OTUD7B: variants seen among roughly 807,000 people sequenced by gnomAD.
OTUD7B encodes OTU deubiquitinase 7B.
A neutral mutation model predicts 82.2 loss-of-function variants in OTUD7B; 34 were observed. That is an observed-to-expected ratio of 0.41 (90% CI 0.31 to 0.55). The LOEUF is 0.55. Among genes scored for constraint, OTUD7B ranks in the 20% least tolerant of loss-of-function variants. The pLI is 0.20. For synonymous variants in OTUD7B, 398 were observed against 402.7 expected (o/e 0.99, Z 0.14); for missense variants, 944 against 1,062.1 (o/e 0.89, Z 1.55).
the OTUD7B span, among the ~76,000 whole-genome samples, chr1:150,053,627 C>G: frequency 6.6e-6 from 1 of 152,010 alleles, no homozygotes; most frequent in Non-Finnish European, 1.5e-5. Flanking sequence ...AACTCCCGAC[C>G]TCAAGTGATT....
chr1:150,010,853 C>T (rs1402242050), upstream of OTUD7B, among the ~76,000 whole-genome samples: 2 of 152,168 alleles, frequency 1.3e-5, no homozygotes, highest in African/African-American at 4.8e-5. Context: ...AGCGCCGCTC[C>T]CCAGGCTGCG....
chr1:149,973,953 G>A (rs1553778100), intron 2 of OTUD7B, among the ~76,000 whole-genome samples: 1 of 151,534 alleles, frequency 6.6e-6, no homozygotes. Context: ...CACCTCCTGG[G>A]TTCAAGCAAT....
At chr1:150,056,598 T>A in the OTUD7B span, among the ~76,000 whole-genome samples, 2 of 152,200 alleles carry the variant, frequency 1.3e-5, no homozygotes, top group African/African-American at 4.8e-5. Flanking sequence ...AGAAGTTACA[T>A]AACTTGCCAA....
intron 7 of OTUD7B, among the ~76,000 whole-genome samples, chr1:149,959,354 C>T (rs1648968356): frequency 6.6e-6 from 1 of 152,106 alleles, no homozygotes; most frequent in Non-Finnish European, 1.5e-5. Context: ...GTGTGAGACA[C>T]CACACCCGGC....
intron 4 of OTUD7B, 76 bp from the exon 5 acceptor site, chr1:149,965,954 C>T: frequency 8.4e-7 from 1 of 1,191,856 alleles, no homozygotes; most frequent in Non-Finnish European, 1.2e-6. Flanking sequence ...GAAACAGACT[C>T]CAAAGCAGCC....
the OTUD7B span, among the ~76,000 whole-genome samples, chr1:150,056,548 G>T: frequency 6.6e-6 from 1 of 152,038 alleles, no homozygotes; most frequent in South Asian, 2.1e-4. Context: ...TGAGGTAGGC[G>T]TTATTTTCTC....
chr1:150,059,438 C>T, the OTUD7B span, among the ~76,000 whole-genome samples: 1 of 150,458 alleles, frequency 6.6e-6, no homozygotes, highest in Admixed American at 6.7e-5. Flanking sequence ...GGCGCAATCT[C>T]GGCTCACCGC....
chr1:149,954,442 G>A (rs370109038), intron 7 of OTUD7B, among the ~76,000 whole-genome samples: 5 of 152,076 alleles, frequency 3.3e-5, no homozygotes, highest in South Asian at 2.1e-4. Context: ...TGCTGGATTC[G>A]GTTTGCCAGT....
intron 2 of OTUD7B, among the ~76,000 whole-genome samples, chr1:149,975,156 A>G (rs1650220665): frequency 6.6e-6 from 1 of 152,156 alleles, no homozygotes; most frequent in Non-Finnish European, 1.5e-5. Flanking sequence ...ACTCTCTTCT[A>G]CATCCCTTTG....
the OTUD7B span, among the ~76,000 whole-genome samples, chr1:150,039,103 C>T: frequency 2.6e-5 from 4 of 152,038 alleles, no homozygotes; most frequent in African/African-American, 9.7e-5. Flanking sequence ...ATCTTAATTA[C>T]TCTTGTCTTT....
At chr1:149,998,098 T>C (rs1160580313) in intron 1 of OTUD7B, among the ~76,000 whole-genome samples, 1 of 152,112 alleles carries the variant, frequency 6.6e-6, no homozygotes, top group African/African-American at 2.4e-5. Context: ...AGACTGAAAA[T>C]GTGTGATCAT....
In OTUD7B at chr1:149,944,178, C is replaced by G. The variant is rs1571578154; in HGVS notation, c.2211G>C (p.Gly737=). 6.2e-7 allele frequency: 1 copy of G among 1,613,856 alleles called. No individual in the cohort carries two copies. The highest frequency in any genetic ancestry group is 2.2e-5 in the East Asian group (1 of 44,874). The change falls in exon 12 of 12, where the codon GGG becomes GGC. Residue 737 remains glycine, a synonymous_variant. Coordinates refer to ENST00000581312, the MANE Select transcript of OTUD7B (RefSeq NM_020205.4). The stretch of plus-strand genomic sequence containing the variant: ...TGCTGTCCTGGTGGGGGTAGGGTCG[C>G]CCAGGAGGGCACTGTCTGGGGAAGG... The part of the protein sequence containing the change: ...YATFPRQCPP[G]RPYPHQDSIP...
chr1:150,049,659 G>C, the OTUD7B span, among the ~76,000 whole-genome samples: 1 of 116,980 alleles, frequency 8.5e-6, no homozygotes, highest in African/African-American at 3.4e-5. Flanking sequence ...TTTTGAGACA[G>C]GCTGATTACA....
rs1553787148 is a variant in OTUD7B, at chr1:150,010,645, C to G, written c.-264G>C. Reference sequence around the variant, plus strand: ...GGAGCTGGAGCCAGAAAGGACTGATCGGGACTGGCCTCCCCCAGTGGCTTT... The same window carrying G: ...GGAGCTGGAGCCAGAAAGGACTGATGGGGACTGGCCTCCCCCAGTGGCTTT... On this transcript the variant is annotated 5_prime_UTR_variant, in exon 1 of 12. Coordinates refer to ENST00000581312, the MANE Select transcript of OTUD7B (RefSeq NM_020205.4). 6.5e-6 allele frequency: 1 copy of G among 152,718 alleles called. No homozygotes were observed. Among genetic ancestry groups the G allele is most frequent in the Non-Finnish European group, 1.5e-5 (1 of 68,146 alleles). 9.5% of individuals were successfully genotyped at this position (152,718 alleles called of 1,614,324 possible). A position where few individuals can be genotyped will look rare whatever the true frequency, so the allele number is the denominator to read the frequency against.
the OTUD7B span, among the ~76,000 whole-genome samples, chr1:150,020,071 T>C: frequency 1.3e-5 from 2 of 152,204 alleles, no homozygotes; most frequent in Admixed American, 6.5e-5. Flanking sequence ...GAGGCTGCAG[T>C]GAACTGAGAT....
At position 149,969,070 on chromosome 1, in the gene OTUD7B, T is replaced by A. The variant is rs1254858404; in HGVS notation, c.275-1549A>T. ...TGAGCATGGTGGCTCACACCTGTAATCCCAAAACTTTGGGAAGCCAAGGTA... is the reference window on the plus strand; with the variant it reads ...TGAGCATGGTGGCTCACACCTGTAAACCCAAAACTTTGGGAAGCCAAGGTA... On this transcript the variant is annotated intron_variant, in intron 3 of 11. Coordinates refer to ENST00000581312, the MANE Select transcript of OTUD7B (RefSeq NM_020205.4). Among the ~76,000 whole-genome samples, 12 of 152,070 alleles carry A rather than the reference T, an allele frequency of 7.9e-5. No homozygotes were observed. The East Asian group carries it at 2.4e-3, about 30-fold the overall frequency.
intron 7 of OTUD7B, among the ~76,000 whole-genome samples, chr1:149,958,125 C>G (rs1648841461): frequency 6.6e-6 from 1 of 152,132 alleles, no homozygotes; most frequent in Non-Finnish European, 1.5e-5. Flanking sequence ...ATGCTGGGAG[C>G]TGTAGACTGG....
At chr1:150,049,438 A>G in the OTUD7B span, among the ~76,000 whole-genome samples, 3 of 152,292 alleles carry the variant, frequency 2.0e-5, no homozygotes, top group East Asian at 5.8e-4. Flanking sequence ...TGAAGCAGAA[A>G]AAACCCCAAT....
chr1:149,983,432 A>C (rs16832341), intron 1 of OTUD7B, among the ~76,000 whole-genome samples: 3,315 of 152,200 alleles, frequency 0.022, 130 homozygotes, highest in African/African-American at 0.076. Context: ...ATATTTTCAC[A>C]AACAATTATA....
Sources: gnomAD v4.1 joint callset for allele counts (sites outside exome capture counted in the v4.1 genomes callset) on GRCh38, gnomAD v4.1.1 for gene constraint, MANE v1.5 for transcripts, NCBI Gene and HGNC (gene_info 2026-07-23, HGNC 2026-07-21) for gene names.